PDZD2: variants seen among roughly 807,000 people sequenced by gnomAD.
PDZD2 encodes the protein PDZ domain containing 2, also known as PDZ domain-containing protein 2.
A neutral mutation model predicts 220.7 loss-of-function variants in PDZD2; 90 were observed. The ratio of observed to expected loss-of-function variants is 0.41; its 90% CI spans 0.34 to 0.49. The LOEUF (loss-of-function observed/expected upper bound fraction) is 0.49, where lower values mean the gene tolerates loss of function less well. Ranked by LOEUF, PDZD2 falls within the 20% of genes least tolerant of loss-of-function variation. The pLI is 0.28. For missense variants in PDZD2, 3,174 were observed against 3,608.5 expected, an observed-to-expected ratio of 0.88 and a Z score of 3.08; for synonymous variants, 1,375 against 1,450.5, an observed-to-expected ratio of 0.95 and a Z score of 1.18.
chr5:31,880,801 T>TTTTTTTTC (rs1739814362), intron 2 of PDZD2, among the ~76,000 whole-genome samples: 3 of 129,708 alleles, frequency 2.3e-5, no homozygotes, highest in Non-Finnish European at 5.0e-5. Flanking sequence ...CTTTTTTTTT[T>TTTTTTTTC]TTTTTTTTTT....
At position 32,057,725 on chromosome 5, in the gene PDZD2, T is replaced by C; in HGVS notation, c.1971T>C (p.Phe657=). 1.9e-6 allele frequency: 3 copies of C among 1,568,148 alleles called. No homozygotes were observed. The highest frequency in any genetic ancestry group is 1.8e-6 in the Non-Finnish European group (2 of 1,139,666). Residue 657 remains phenylalanine, a synonymous_variant, in exon 11 of 25, where the codon TTT becomes TTC. Transcript: ENST00000438447. ...GLTFQEAIHT[F]KQIRSGLFVL... is the part of the protein sequence containing the mutation. Reference sequence around the variant, plus strand: ...CATTTCAAGAAGCCATTCATACCTTTAAGGTAACAACATTCTTATTGATCT... The same window carrying C: ...CATTTCAAGAAGCCATTCATACCTTCAAGGTAACAACATTCTTATTGATCT...
At position 31,983,635 on chromosome 5, in the gene PDZD2, A is replaced by G. The variant is rs192212029; in HGVS notation, c.957A>G (p.Gln319=). The G allele has an allele frequency of 3.1e-4, 496 of 1,613,632 alleles. 1 individual carries two copies. The Middle Eastern group carries it at 5.1e-3, about 17-fold the overall frequency. ...RFSKGGKTDF[Q]SSDCLAREEV... ...CAAAAGGTGGGAAGACGGACTTCCA[A>G]TCGAGTGACTGCCTGGCACGGGTAA... The change falls in exon 3 of 25, where the codon CAA becomes CAG. Residue 319 remains glutamine (Q), a synonymous_variant. Transcript: ENST00000438447.
chr5:31,820,857 G>T lies in PDZD2; in HGVS notation c.476+21133G>T, dbSNP rs1037613237. Among the ~76,000 whole-genome samples the T allele has an allele frequency of 7.2e-5, 11 of 152,134 alleles. No individual in the cohort carries two copies. In the East Asian group the frequency reaches 1.7e-3, roughly 24 times the overall value. ...TTTATGTTTTCTTAATTGAAATATGGCTCATTTTGTAGTTTTAATTTGCAC... is the reference window on the plus strand; with the variant it reads ...TTTATGTTTTCTTAATTGAAATATGTCTCATTTTGTAGTTTTAATTTGCAC... On this transcript the variant is annotated intron_variant, in intron 2 of 24. Coordinates refer to ENST00000438447, the MANE Select transcript of PDZD2 (RefSeq NM_178140.4).
chr5:31,842,362 AG>A (rs1252889552), intron 2 of PDZD2, among the ~76,000 whole-genome samples: 5 of 152,210 alleles, frequency 3.3e-5, no homozygotes, highest in Non-Finnish European at 1.5e-5. Context: ...GAGAGAATCC[AG>A]GCTGGTAAAG....
At chr5:32,036,466 T>C (rs1351886275) in intron 6 of PDZD2, among the ~76,000 whole-genome samples, 1 of 152,224 alleles carries the variant, frequency 6.6e-6, no homozygotes, top group East Asian at 1.9e-4. Flanking sequence ...GAAGTGCATG[T>C]GTCTCATTTT....
chr5:31,767,669 G>A (rs768302842), intron 1 of PDZD2, among the ~76,000 whole-genome samples: 11 of 152,214 alleles, frequency 7.2e-5, no homozygotes, highest in Non-Finnish European at 1.5e-4. Context: ...TGGAGACTAT[G>A]TAAAGTTTTC....
chr5:31,867,986 G>A (rs1200485191), intron 2 of PDZD2, among the ~76,000 whole-genome samples: 2 of 152,068 alleles, frequency 1.3e-5, no homozygotes, highest in African/African-American at 4.8e-5. Flanking sequence ...AGTTTTAACT[G>A]GGGGATCTCA....
At chr5:31,710,357 G>A (rs761164683) in intron 1 of PDZD2, among the ~76,000 whole-genome samples, 2 of 152,140 alleles carry the variant, frequency 1.3e-5, no homozygotes, top group Non-Finnish European at 2.9e-5. Flanking sequence ...CAGGTTTGTG[G>A]TATTAAATAA....
chr5:32,052,663 A>C lies in PDZD2; in HGVS notation c.1718A>C (p.Glu573Ala), dbSNP rs1178688458. The C allele has an allele frequency of 1.2e-6, 2 of 1,613,686 alleles. No individual in the cohort carries two copies. Among genetic ancestry groups the C allele is most frequent in the Admixed American group, 3.3e-5 (2 of 60,006 alleles). The change falls in exon 9 of 25, where the codon GAA (glutamate) becomes GCA (alanine). Residue 573 changes from glutamate (E) to alanine (A), a missense_variant. By Grantham distance (107) the Glu-to-Ala change is moderately radical (BLOSUM62 -1). Around this residue, in one of 4 missense-constraint regions of PDZD2, gnomAD observed 50 missense variants for 109.5 expected, o/e 0.46. Coordinates refer to ENST00000438447, the MANE Select transcript of PDZD2 (RefSeq NM_178140.4). The part of the protein sequence containing the change: ...STRSLSTTQV[E>A]SPWRLIRPSV... ...CGCTCCTTAAGCACGACTCAGGTGGAATCTCCTTGGAGGCTCATTCGGCCA... is the reference window on the plus strand; with the variant it reads ...CGCTCCTTAAGCACGACTCAGGTGGCATCTCCTTGGAGGCTCATTCGGCCA...
intron 2 of PDZD2, among the ~76,000 whole-genome samples, chr5:31,814,897 G>A (rs1177987507): frequency 6.6e-6 from 1 of 152,026 alleles, no homozygotes; most frequent in Non-Finnish European, 1.5e-5. Flanking sequence ...GGTTGTGCAG[G>A]CCAAAGTTCT....
At chr5:31,882,425 A>G (rs1303550762) in intron 2 of PDZD2, among the ~76,000 whole-genome samples, 4 of 152,194 alleles carry the variant, frequency 2.6e-5, no homozygotes, top group African/African-American at 7.2e-5. Context: ...ACACAGGGAT[A>G]ATAATTAGAA....
intron 1 of PDZD2, among the ~76,000 whole-genome samples, chr5:31,736,519 A>G (rs1749871378): frequency 6.6e-6 from 1 of 152,274 alleles, no homozygotes; most frequent in Non-Finnish European, 1.5e-5. Context: ...CTACAGGAAT[A>G]AATATTTTAG....
chr5:31,667,223 A>G (rs6871728), intron 1 of PDZD2, among the ~76,000 whole-genome samples: 63,075 of 130,818 alleles, frequency 0.48, 15,376 homozygotes, highest in Middle Eastern at 0.6. Context: ...GTGACAGAGC[A>G]AGACTCCGTC....
intron 3 of PDZD2, 62 bp downstream of exon 3, chr5:31,983,718 G>GCAGCC: frequency 6.6e-7 from 1 of 1,510,706 alleles, no homozygotes. Context: ...GTTTGTTTTT[G>GCAGCC]CAGCCCAGCC....
chr5:31,752,073 G>GTTTTTTTTTTTTT (rs3032803), intron 1 of PDZD2, among the ~76,000 whole-genome samples: 17 of 95,066 alleles, frequency 1.8e-4, no homozygotes, highest in African/African-American at 5.9e-4. Flanking sequence ...TTTTGGGTTT[G>GTTTTTTTTTTTTT]TTTTTTTTTT....
rs191622921 is a variant in PDZD2, at chr5:31,737,374, G to A, written c.-360-61515G>A. On this transcript the variant is annotated intron_variant, in intron 1 of 24. Coordinates refer to ENST00000438447, the MANE Select transcript of PDZD2 (RefSeq NM_178140.4). ...TTTTTAGTAGAGATGGGGTTTCACC[G>A]TGTTAGCCAGGATGGTCTTGATCTC... is the stretch of plus-strand genomic sequence containing the variant. Among the ~76,000 whole-genome samples the A allele has an allele frequency of 4.4e-3, 672 of 151,724 alleles. 2 individuals are homozygous for A. Among genetic ancestry groups the A allele is most frequent in the African/African-American group, 0.012 (515 of 41,358 alleles).
chr5:31,791,590 C>CAAAAA lies in PDZD2; in HGVS notation c.-360-7279_-360-7275dup, dbSNP rs1157216997. Among the ~76,000 whole-genome samples the CAAAAA allele has an allele frequency of 9.7e-3, 489 of 50,186 alleles. 9 individuals are homozygous for CAAAAA. Among genetic ancestry groups the CAAAAA allele is most frequent in the African/African-American group, 0.021 (312 of 15,094 alleles). 32.9% of individuals were successfully genotyped at this position (50,186 alleles called of 152,430 possible). A position where few individuals can be genotyped will look rare whatever the true frequency, so the allele number is the denominator to read the frequency against. On this transcript the variant is annotated intron_variant, in intron 1 of 24. Coordinates refer to ENST00000438447, the MANE Select transcript of PDZD2 (RefSeq NM_178140.4). ...GGGCAACAAGAGAGAAACTCCGTCTCAAAAAAAAAAAAAAAAAAAAAAAAG... is the reference window on the plus strand; with the variant it reads ...GGGCAACAAGAGAGAAACTCCGTCTCAAAAAAAAAAAAAAAAAAAAAAAAAAAAAG...
chr5:32,074,663 T>C lies in PDZD2; in HGVS notation c.3537+20T>C. 6.6e-7 allele frequency: 1 copy of C among 1,521,114 alleles called. No individual in the cohort carries two copies. Among genetic ancestry groups the C allele is most frequent in the South Asian group, 1.2e-5 (1 of 82,014 alleles). The allele number at this position is 1,521,114 out of a possible 1,614,324, so 94.2% of individuals were successfully genotyped here. Reference sequence around the variant, plus strand: ...GAGAAGGTAACTGACTTTCTCTTAGTTACTTGGAATGGAAGTGCATGAATA... The same window carrying C: ...GAGAAGGTAACTGACTTTCTCTTAGCTACTTGGAATGGAAGTGCATGAATA... On this transcript the variant is annotated intron_variant, in intron 18 of 24. Coordinates refer to ENST00000438447, the MANE Select transcript of PDZD2 (RefSeq NM_178140.4).
chr5:31,693,775 C>T (rs1490935924), intron 1 of PDZD2, among the ~76,000 whole-genome samples: 2 of 152,084 alleles, frequency 1.3e-5, no homozygotes, highest in African/African-American at 2.4e-5. Flanking sequence ...ATGAAGGGAC[C>T]GTCAGTCTCT....
Sources: allele counts gnomAD v4.1 joint callset (sites outside exome capture counted in the v4.1 genomes callset), GRCh38; gene constraint gnomAD v4.1.1; regional missense constraint gnomAD v4.1.1; transcripts MANE v1.5; gene names NCBI Gene and HGNC (gene_info 2026-07-23, HGNC 2026-07-21).